GRIK4: variants seen among roughly 807,000 people sequenced by gnomAD.
GRIK4 encodes glutamate receptor ionotropic, kainate 4.
GRIK4 carries 40 observed loss-of-function variants against 104.9 expected under a neutral mutation model. The observed-to-expected ratio is 0.38, with a 90% CI of 0.30 to 0.50. The LOEUF (loss-of-function observed/expected upper bound fraction) is 0.50, where lower values mean the gene tolerates loss of function less well. GRIK4 is among the 20% of genes least tolerant of loss of function. The pLI is 0.93. For synonymous variants in GRIK4, 485 were observed against 524.9 expected (o/e 0.92, Z 1.04); for missense variants, 1,047 against 1,308.1 (o/e 0.80, Z 3.08).
chr11:120,803,686 C>T (rs1952663968), intron 4 of GRIK4, among the ~76,000 whole-genome samples: 1 of 152,206 alleles, frequency 6.6e-6, no homozygotes, highest in African/African-American at 2.4e-5. Flanking sequence ...GATCTGCCTA[C>T]CTCAGCCTCC....
At chr11:120,556,635 A>G (rs1189065485) in intron 1 of GRIK4, among the ~76,000 whole-genome samples, 1 of 151,986 alleles carries the variant, frequency 6.6e-6, no homozygotes, top group East Asian at 1.9e-4. Context: ...CAGGGTCCTC[A>G]ACTTACTGGG....
rs115185080 is a variant in GRIK4 at position 120,834,197 on chromosome 11, A to G, written c.690+2167A>G. The stretch of plus-strand genomic sequence containing the variant: ...GGCTGTAACAGTTTACACTTTCGCC[A>G]GCAGCATATAGGTGTCTTATAGCAC... On this transcript the variant is annotated intron_variant, in intron 7 of 20. Transcript: ENST00000527524. Among the ~76,000 whole-genome samples the G allele has an allele frequency of 3.5e-3, 536 of 152,260 alleles. 7 individuals carry two copies. The highest frequency in any genetic ancestry group is 0.012 in the African/African-American group (517 of 41,558).
At chr11:120,559,765 GT>G (rs918715228) in intron 1 of GRIK4, among the ~76,000 whole-genome samples, 1 of 152,126 alleles carries the variant, frequency 6.6e-6, no homozygotes, top group African/African-American at 2.4e-5. Flanking sequence ...ACCTTTTTAT[GT>G]TTTCCTCTTC....
At chr11:120,871,024 A>G (rs146077932) in intron 9 of GRIK4, 1,952 of 154,118 alleles carry the variant, frequency 0.013, 39 homozygotes, top group African/African-American at 0.044. Flanking sequence ...TTGGGATTAC[A>G]GGCATGAGCC....
At chr11:120,635,661 T>C (rs1417136606) in intron 1 of GRIK4, among the ~76,000 whole-genome samples, 1 of 152,158 alleles carries the variant, frequency 6.6e-6, no homozygotes, top group African/African-American at 2.4e-5. Flanking sequence ...GTGATGAGTG[T>C]TTGGAAAGGG....
chr11:120,868,532 G>GC (rs1491122001), intron 9 of GRIK4: 1 of 44,968 alleles, frequency 2.2e-5, no homozygotes, highest in African/African-American at 6.2e-5. Flanking sequence ...GGTGGAAATG[G>GC]GGGGGGGGGC....
chr11:120,707,467 C>T (rs1419807888), intron 3 of GRIK4, among the ~76,000 whole-genome samples: 1 of 152,200 alleles, frequency 6.6e-6, no homozygotes, highest in Non-Finnish European at 1.5e-5. Context: ...CCATGTGGCT[C>T]TGTAACCTCA....
chr11:120,597,042 CAGTTCTCCCCTCACT>C (rs2135122577), intron 1 of GRIK4, among the ~76,000 whole-genome samples: 1 of 152,300 alleles, frequency 6.6e-6, no homozygotes, highest in East Asian at 1.9e-4. Flanking sequence ...GTGTTCCATC[CAGTTCTCCCCTCACT>C]TGGGGCTTCT....
chr11:120,955,574 A>G (rs138410026), intron 15 of GRIK4, among the ~76,000 whole-genome samples: 1 of 152,308 alleles, frequency 6.6e-6, no homozygotes, highest in East Asian at 1.9e-4. Flanking sequence ...GGGCAGGGGA[A>G]GAGCAGGCAT....
chr11:120,639,835 C>T (rs1949448498), intron 1 of GRIK4, among the ~76,000 whole-genome samples: 1 of 152,164 alleles, frequency 6.6e-6, no homozygotes, highest in Non-Finnish European at 1.5e-5. Context: ...CTGGTTATGT[C>T]ATCCCTTTAT....
chr11:120,805,407 A>G (rs7926171), intron 4 of GRIK4, among the ~76,000 whole-genome samples: 19,588 of 152,220 alleles, frequency 0.13, 4,033 homozygotes, highest in African/African-American at 0.43. Context: ...TTAGTGACCC[A>G]TGCAGCCTGA....
At chr11:120,657,601 C>A (rs186978873) in intron 2 of GRIK4, among the ~76,000 whole-genome samples, 2 of 152,210 alleles carry the variant, frequency 1.3e-5, no homozygotes, top group African/African-American at 2.4e-5. Flanking sequence ...CAGGCCTAGA[C>A]GCATAAAGGC....
intron 6 of GRIK4, among the ~76,000 whole-genome samples, chr11:120,822,232 A>AAAAAAAAAAAAAAG (rs796180829): frequency 1.4e-5 from 2 of 147,080 alleles, no homozygotes; most frequent in African/African-American, 5.4e-5. Context: ...AAAAAAAAAA[A>AAAAAAAAAAAAAAG]AAAGACAGTA....
In GRIK4 at chr11:120,922,849, C is replaced by T. The variant is rs377647583; in HGVS notation, c.1476+17356C>T. Among the ~76,000 whole-genome samples the T allele has an allele frequency of 1.1e-3, 162 of 152,304 alleles. 3 individuals carry two copies. In the South Asian group the frequency reaches 0.029, roughly 27 times the overall value. On this transcript the variant is annotated intron_variant, in intron 13 of 20. Coordinates refer to ENST00000527524, the MANE Select transcript of GRIK4 (RefSeq NM_014619.5). ...TATGCAGCCTTCAGATAGGCTGCCTCGCTTGATGCCAAGCTCTGGCCCTAG... is the reference window on the plus strand; with the variant it reads ...TATGCAGCCTTCAGATAGGCTGCCTTGCTTGATGCCAAGCTCTGGCCCTAG...
chr11:120,906,210 A>T (rs1942863595), intron 13 of GRIK4, among the ~76,000 whole-genome samples: 1 of 152,228 alleles, frequency 6.6e-6, no homozygotes, highest in African/African-American at 2.4e-5. Context: ...TGTAAAAATT[A>T]ATTAAGTCAT....
intron 3 of GRIK4, among the ~76,000 whole-genome samples, chr11:120,789,631 C>T (rs1488787174): frequency 6.6e-6 from 1 of 152,148 alleles, no homozygotes; most frequent in African/African-American, 2.4e-5. Flanking sequence ...CCTCTTGTCC[C>T]TCGGCACCTT....
At chr11:120,764,156 G>C (rs550272341) in intron 3 of GRIK4, among the ~76,000 whole-genome samples, 1 of 152,208 alleles carries the variant, frequency 6.6e-6, no homozygotes, top group Non-Finnish European at 1.5e-5. Flanking sequence ...TATTTAGATA[G>C]TTAGCTCTTC....
chr11:120,639,874 C>T (rs1191530653), intron 1 of GRIK4, among the ~76,000 whole-genome samples: 1 of 152,120 alleles, frequency 6.6e-6, no homozygotes, highest in East Asian at 1.9e-4. Context: ...CTTTGGTACC[C>T]CTAGAATACA....
chr11:120,874,518 C>T (rs759351472), intron 10 of GRIK4, among the ~76,000 whole-genome samples: 1 of 152,182 alleles, frequency 6.6e-6, no homozygotes, highest in Admixed American at 6.5e-5. Context: ...CTCTGCTCAG[C>T]GGTGTTCTCA....
Sources: allele counts gnomAD v4.1 joint callset (sites outside exome capture counted in the v4.1 genomes callset), GRCh38; gene constraint gnomAD v4.1.1; transcripts MANE v1.5; gene names NCBI Gene and HGNC (gene_info 2026-07-23, HGNC 2026-07-21).